PODXL2: variants seen among roughly 807,000 people sequenced by gnomAD.
The protein encoded by PODXL2 is podocalyxin-like protein 2.
Under a neutral mutation model 53.4 loss-of-function variants are expected in PODXL2, and 17 were observed. The ratio of observed to expected loss-of-function variants is 0.32; its 90% CI spans 0.22 to 0.48. The LOEUF (loss-of-function observed/expected upper bound fraction) is 0.48. Ranked by LOEUF, PODXL2 falls within the 20% of genes least tolerant of loss-of-function variation. The pLI is 0.99. For synonymous variants in PODXL2, 311 were observed against 306.7 expected, an observed-to-expected ratio of 1.01 and a Z score of -0.15; for missense variants, 673 against 760.0, an observed-to-expected ratio of 0.89 and a Z score of 1.35.
intron 2 of PODXL2, among the ~76,000 whole-genome samples, chr3:127,643,114 C>A (rs1233934621): frequency 6.6e-6 from 1 of 152,208 alleles, no homozygotes; most frequent in East Asian, 1.9e-4. Context: ...TAACTTTCCT[C>A]TGACATACGT....
chr3:127,641,785 G>A (rs1225659507), intron 2 of PODXL2, among the ~76,000 whole-genome samples: 9 of 151,800 alleles, frequency 5.9e-5, no homozygotes, highest in Admixed American at 3.9e-4. Flanking sequence ...CAAAGTGCTG[G>A]GATTACAGGC....
Position 127,671,575 on chromosome 3 carries a change from A to G in PODXL2, c.1567A>G (p.Asn523Asp). The G allele has an allele frequency of 6.2e-7, 1 of 1,614,012 alleles. No individual in the cohort carries two copies. Among genetic ancestry groups the G allele is most frequent in the Non-Finnish European group, 8.5e-7 (1 of 1,180,000 alleles). The change falls in exon 7 of 8, where the codon AAC becomes GAC. Residue 523 changes from asparagine to aspartate, a missense_variant. Asn to Asp is a conservative substitution (Grantham distance 23, BLOSUM62 1). Around this residue, in one of 3 missense-constraint regions of PODXL2, gnomAD observed 588 missense variants for 668.3 expected, o/e 0.88. Coordinates refer to ENST00000342480, the MANE Select transcript of PODXL2 (RefSeq NM_015720.4). ...IIIIALGLLY[N>D]CWQRRLPKLK... ...CATCATTGCGCTTGGCCTGCTCTAC[A>G]ACTGCTGGCAGCGCCGGCTGCCCAA...
At chr3:127,665,855 C>G in intron 4 of PODXL2, 1 of 429,554 alleles carries the variant, frequency 2.3e-6, no homozygotes, top group Admixed American at 2.6e-5. Flanking sequence ...CTGCATGGGA[C>G]TTTCCTTGCC....
rs1393456551 is a variant in PODXL2 at position 127,660,811 on chromosome 3, C to A, written c.783C>A (p.Thr261=). The A allele has an allele frequency of 6.2e-7, 1 of 1,614,120 alleles. No homozygotes were observed. The highest frequency in any genetic ancestry group is 8.5e-7 in the Non-Finnish European group (1 of 1,180,046). Reference sequence around the variant, plus strand: ...TGACTCCGGGGGACCAGGACTCCACCAGCCAAGAGGCAGAGGCCACAGTGC... The same window carrying A: ...TGACTCCGGGGGACCAGGACTCCACAAGCCAAGAGGCAGAGGCCACAGTGC... ...TTVTPGDQDS[T]SQEAEATVLP... The change falls in exon 3 of 8, where the codon ACC becomes ACA. Residue 261 remains threonine (T), a synonymous_variant. Transcript: ENST00000342480.
At chr3:127,640,147 G>GA (rs2107704758) in intron 2 of PODXL2, among the ~76,000 whole-genome samples, 1 of 152,290 alleles carries the variant, frequency 6.6e-6, no homozygotes, top group South Asian at 2.1e-4. Context: ...CTCCAGGTTT[G>GA]AATGCCCACC....
chr3:127,630,835 G>A (rs1314505453), intron 1 of PODXL2, among the ~76,000 whole-genome samples: 1 of 152,216 alleles, frequency 6.6e-6, no homozygotes, highest in Non-Finnish European at 1.5e-5. Context: ...TTGGAAAAAG[G>A]CGACATTCAA....
At chr3:127,663,714 A>G (rs1415946419) in intron 4 of PODXL2, among the ~76,000 whole-genome samples, 3 of 152,212 alleles carry the variant, frequency 2.0e-5, no homozygotes, top group Non-Finnish European at 2.9e-5. Flanking sequence ...GCTTTCTGGC[A>G]TAATAAGACA....
intron 4 of PODXL2, among the ~76,000 whole-genome samples, chr3:127,667,817 C>T (rs2074803450): frequency 6.6e-6 from 1 of 152,234 alleles, no homozygotes; most frequent in Admixed American, 6.5e-5. Context: ...CTCTTCTGGC[C>T]TCCACCGCCT....
intron 7 of PODXL2, 95 bp from the exon 8 acceptor site, chr3:127,672,173 G>A: frequency 1.1e-6 from 1 of 928,396 alleles, no homozygotes; most frequent in Non-Finnish European, 1.7e-6. Context: ...GGGTGCCGCG[G>A]GAACCCCCTG....
intron 4 of PODXL2, among the ~76,000 whole-genome samples, chr3:127,663,699 T>C (rs924681939): frequency 2.6e-5 from 4 of 152,220 alleles, no homozygotes; most frequent in Non-Finnish European, 5.9e-5. Context: ...TCTGATTGCT[T>C]CCTTGCTTTC....
intron 6 of PODXL2, 136 bp from the exon 7 acceptor site, chr3:127,671,298 G>A (rs2074834235): frequency 6.6e-6 from 5 of 751,892 alleles, no homozygotes; most frequent in South Asian, 1.7e-5. Flanking sequence ...CAGGCGCCAG[G>A]GAACTTCAGG....
In PODXL2 at chr3:127,672,336, C is replaced by T. The variant is rs1018091578; in HGVS notation, c.1674C>T (p.Ser558=). 1 of 1,549,930 alleles carries T rather than the reference C, an allele frequency of 6.5e-7. No individual in the cohort carries two copies. The highest frequency in any genetic ancestry group is 8.7e-7 in the Non-Finnish European group (1 of 1,148,014). Residue 558 remains serine (S), a synonymous_variant, in exon 8 of 8, where the codon AGC becomes AGT. Coordinates refer to ENST00000342480, the MANE Select transcript of PODXL2 (RefSeq NM_015720.4). ...CHDNPTLDVA[S]DSQSEMQEKH... ...ACAACCCCACGCTGGACGTGGCCAG[C>T]GACAGCCAGTCGGAGATGCAGGAGA... is the stretch of plus-strand genomic sequence containing the variant.
intron 2 of PODXL2, among the ~76,000 whole-genome samples, chr3:127,649,408 C>G (rs2107708274): frequency 6.6e-6 from 1 of 152,310 alleles, no homozygotes; most frequent in South Asian, 2.1e-4. Flanking sequence ...CTTAGGGTAC[C>G]TTTCCAGAAG....
chr3:127,668,621 G>C (rs1190200613), intron 5 of PODXL2, 24 bp downstream of exon 5: 1 of 1,482,798 alleles, frequency 6.7e-7, no homozygotes. Flanking sequence ...GGTGATGGGA[G>C]GGCCCAGGAG....
chr3:127,668,512 T>C lies in PODXL2; in HGVS notation c.1278T>C (p.Ser426=), dbSNP rs766409124. 46 of 1,577,842 alleles carry C rather than the reference T, an allele frequency of 2.9e-5. No individual in the cohort carries two copies. The Middle Eastern group carries it at 1.2e-3, about 41-fold the overall frequency. Residue 426 remains serine (S), a synonymous_variant, in exon 5 of 8, where the codon AGT becomes AGC. Transcript: ENST00000342480. The part of the protein sequence containing the change: ...LVEEVLPRHG[S]GHHGAWHISL... ...AAGAGGTGCTGCCCCGCCATGGCAG[T>C]GGCCACCATGGGGCCTGGCACATCT...
chr3:127,668,032 G>T (rs906099079), intron 4 of PODXL2, among the ~76,000 whole-genome samples: 3 of 152,036 alleles, frequency 2.0e-5, no homozygotes, highest in African/African-American at 7.3e-5. Context: ...CTAGGCACAG[G>T]GAGCAGTTCT....
chr3:127,636,354 C>T (rs2074578361), intron 1 of PODXL2, among the ~76,000 whole-genome samples: 1 of 152,108 alleles, frequency 6.6e-6, no homozygotes, highest in Non-Finnish European at 1.5e-5. Context: ...AGCTTAGGGT[C>T]CCCCCGTGAT....
intron 2 of PODXL2, among the ~76,000 whole-genome samples, chr3:127,657,588 CA>C (rs1286908827): frequency 6.6e-6 from 1 of 152,240 alleles, no homozygotes; most frequent in Non-Finnish European, 1.5e-5. Flanking sequence ...ATCACTGCAG[CA>C]ACTCCCTGAC....
Position 127,672,772 on chromosome 3 carries a change from A to C in PODXL2, c.*292A>C. 1.2e-5 allele frequency: 4 copies of C among 344,610 alleles called. No individual in the cohort carries two copies. Among genetic ancestry groups the C allele is most frequent in the East Asian group, 5.2e-5 (1 of 19,282 alleles). The allele number at this position is 344,610 out of a possible 1,614,324, so 21.3% of individuals were successfully genotyped here. On this transcript the variant is annotated 3_prime_UTR_variant, in exon 8 of 8. Transcript: ENST00000342480. ...CTTCCTGCGCCCCGGGACTCAATTA[A>C]ACCCGCCCGGAGACCACGCCGGGCC...
Sources: allele counts gnomAD v4.1 joint callset (sites outside exome capture counted in the v4.1 genomes callset), GRCh38; gene constraint gnomAD v4.1.1; regional missense constraint gnomAD v4.1.1; transcripts MANE v1.5; gene names NCBI Gene and HGNC (gene_info 2026-07-23, HGNC 2026-07-21).